The following KIF2A variants were observed in gnomAD, a reference collection of about 807,000 sequenced individuals.
KIF2A encodes the protein kinesin family member 2A, also known as kinesin-like protein KIF2A.
In KIF2A, 22 loss-of-function variants were observed where a neutral mutation model predicts 100.2. That is an observed-to-expected ratio of 0.22 (90% CI 0.16 to 0.31). KIF2A has a LOEUF of 0.31. KIF2A is among the 10% of genes least tolerant of loss of function. KIF2A has a pLI of 1.00. For missense variants in KIF2A, 495 were observed against 898.7 expected (o/e 0.55, Z 5.74); for synonymous variants, 268 against 285.9 (o/e 0.94, Z 0.63).
intron 1 of KIF2A, among the ~76,000 whole-genome samples, chr5:62,336,348 T>A (rs264521): frequency 0.51 from 78,091 of 152,044 alleles, 20,990 homozygotes; most frequent in South Asian, 0.65. Context: ...TTATAAGAAA[T>A]TTTCCATCAA....
At chr5:62,355,281 T>C in intron 7 of KIF2A, 27 bp downstream of exon 7, 2 of 1,150,154 alleles carry the variant, frequency 1.7e-6, no homozygotes, top group South Asian at 1.3e-5. Flanking sequence ...ACCATTATTC[T>C]GGAACTTTTT....
intron 9 of KIF2A, among the ~76,000 whole-genome samples, chr5:62,358,720 G>T (rs983297202): frequency 1.3e-5 from 2 of 152,074 alleles, no homozygotes; most frequent in Admixed American, 6.6e-5. Context: ...GCCCAGGCTG[G>T]AGTGCAGTGG....
chr5:62,324,359 A>T (rs919703216), intron 1 of KIF2A, among the ~76,000 whole-genome samples: 3 of 152,220 alleles, frequency 2.0e-5, no homozygotes, highest in African/African-American at 7.2e-5. Flanking sequence ...AGGAAAATCT[A>T]TTCTAAAATT....
intron 20 of KIF2A, among the ~76,000 whole-genome samples, chr5:62,385,153 AG>A: frequency 6.6e-6 from 1 of 152,174 alleles, no homozygotes; most frequent in South Asian, 2.1e-4. Flanking sequence ...AAAAAAAAAA[AG>A]GTAGACTATG....
chr5:62,379,173 C>G (rs1741669839), intron 19 of KIF2A, among the ~76,000 whole-genome samples: 1 of 152,094 alleles, frequency 6.6e-6, no homozygotes, highest in African/African-American at 2.4e-5. Context: ...CTATAAAGAC[C>G]ATCATTTCCC....
chr5:62,361,811 C>T (rs1407885265), intron 11 of KIF2A, among the ~76,000 whole-genome samples: 1 of 150,954 alleles, frequency 6.6e-6, no homozygotes, highest in Non-Finnish European at 1.5e-5. Context: ...CACTTGAGGT[C>T]AGGAGTTCGA....
chr5:62,322,729 T>C (rs1179621086), intron 1 of KIF2A, among the ~76,000 whole-genome samples: 1 of 152,092 alleles, frequency 6.6e-6, no homozygotes, highest in Non-Finnish European at 1.5e-5. Flanking sequence ...CCTACACACA[T>C]ATATGCATAT....
At chr5:62,354,270 A>C (rs145744987) in intron 6 of KIF2A, among the ~76,000 whole-genome samples, 1 of 152,260 alleles carries the variant, frequency 6.6e-6, no homozygotes, top group African/African-American at 2.4e-5. Flanking sequence ...GGTACTTCAT[A>C]ATACTTACAC....
chr5:62,353,413 C>A, intron 6 of KIF2A, 38 bp downstream of exon 6: 2 of 1,045,730 alleles, frequency 1.9e-6, no homozygotes, highest in Non-Finnish European at 2.7e-6. Flanking sequence ...TATGTACCAA[C>A]CAGAGATTAG....
chr5:62,313,805 AT>A (rs1288176217), intron 1 of KIF2A, among the ~76,000 whole-genome samples: 3 of 149,690 alleles, frequency 2.0e-5, no homozygotes, highest in East Asian at 2.0e-4. Flanking sequence ...ATCAAAAGGA[AT>A]TTTTTTTTAG....
At chr5:62,379,402 C>T (rs1017279323) in intron 19 of KIF2A, among the ~76,000 whole-genome samples, 2 of 152,120 alleles carry the variant, frequency 1.3e-5, no homozygotes, top group Non-Finnish European at 2.9e-5. Context: ...GTGGCTCACA[C>T]CTGTAATCCC....
chr5:62,316,945 C>T (rs181328974), intron 1 of KIF2A, among the ~76,000 whole-genome samples: 56 of 151,968 alleles, frequency 3.7e-4, no homozygotes, highest in Non-Finnish European at 6.8e-4. Context: ...TAAAATTTTG[C>T]CATTCATTTT....
At chr5:62,355,275 T>G in intron 7 of KIF2A, 21 bp downstream of exon 7, 1 of 1,224,866 alleles carries the variant, frequency 8.2e-7, no homozygotes, top group Non-Finnish European at 1.2e-6. Context: ...TTGTAAACCA[T>G]TATTCTGGAA....
chr5:62,311,291 T>G (rs1465516071), intron 1 of KIF2A, among the ~76,000 whole-genome samples: 1 of 152,184 alleles, frequency 6.6e-6, no homozygotes. Flanking sequence ...AGTCAAGATG[T>G]AGGAAATTGC....
At chr5:62,368,263 GTT>G (rs148537199) in intron 16 of KIF2A, among the ~76,000 whole-genome samples, 1 of 142,120 alleles carries the variant, frequency 7.0e-6, no homozygotes, top group Non-Finnish European at 1.5e-5. Context: ...TACTTTTCTT[GTT>G]TTTTTTTTTC....
intron 1 of KIF2A, among the ~76,000 whole-genome samples, chr5:62,346,575 AC>A (rs1255057834): frequency 6.6e-5 from 10 of 152,130 alleles, no homozygotes; most frequent in Non-Finnish European, 1.3e-4. Context: ...CCCCGTCCCT[AC>A]TAAAAATACT....
intron 1 of KIF2A, among the ~76,000 whole-genome samples, chr5:62,308,898 A>G (rs1401249840): frequency 8.4e-6 from 1 of 118,518 alleles, no homozygotes; most frequent in Non-Finnish European, 1.8e-5. Flanking sequence ...AAATAAGTGG[A>G]TTTTAGCAGC....
intron 8 of KIF2A, 109 bp downstream of exon 8, chr5:62,357,854 G>T: frequency 1.3e-6 from 1 of 746,098 alleles, no homozygotes; most frequent in Non-Finnish European, 2.3e-6. Flanking sequence ...CATTTCCTTT[G>T]ATTTGTATGT....
At chr5:62,343,307 C>T (rs1341740608) in intron 1 of KIF2A, among the ~76,000 whole-genome samples, 2 of 152,158 alleles carry the variant, frequency 1.3e-5, no homozygotes, top group Non-Finnish European at 2.9e-5. Context: ...ACCTGCATCT[C>T]CTCTAATGCC....
Sources: gnomAD v4.1 joint callset for allele counts (sites outside exome capture counted in the v4.1 genomes callset) on GRCh38, gnomAD v4.1.1 for gene constraint, MANE v1.5 for transcripts, NCBI Gene and HGNC (gene_info 2026-07-23, HGNC 2026-07-21) for gene names.